RPS6KC1: variants seen among roughly 807,000 people sequenced by gnomAD.
RPS6KC1 encodes ribosomal protein S6 kinase C1.
Under a neutral mutation model 103.8 loss-of-function variants are expected in RPS6KC1, and 54 were observed. The observed-to-expected ratio is 0.52, with a 90% CI of 0.42 to 0.65. The LOEUF (loss-of-function observed/expected upper bound fraction) is 0.65. Ranked by LOEUF, RPS6KC1 falls within the 30% of genes least tolerant of loss-of-function variation. The probability of loss-of-function intolerance (pLI) is 0.00; values close to 1 mark genes in which losing one functional copy is unlikely to be tolerated. For missense variants in RPS6KC1, 1,151 were observed against 1,253.8 expected (o/e 0.92, Z 1.24); for synonymous variants, 439 against 438.7 (o/e 1.00, Z -0.01).
the RPS6KC1 span, among the ~76,000 whole-genome samples, chr1:213,671,810 A>G: frequency 5.3e-4 from 80 of 152,292 alleles, no homozygotes; most frequent in Admixed American, 1.7e-3. Context: ...ACAAGAAAAC[A>G]AAAACAAAGA....
chr1:213,441,948 T>C, the RPS6KC1 span, among the ~76,000 whole-genome samples: 2 of 152,226 alleles, frequency 1.3e-5, no homozygotes, highest in Non-Finnish European at 2.9e-5. Flanking sequence ...TAGCTTTACT[T>C]TGTACCCATA....
At chr1:213,244,258 C>A (rs2094416508) in intron 12 of RPS6KC1, among the ~76,000 whole-genome samples, 1 of 150,716 alleles carries the variant, frequency 6.6e-6, no homozygotes, top group South Asian at 2.1e-4. Flanking sequence ...ATTTTAGGTT[C>A]CAGTGTACTT....
At chr1:213,391,278 G>A in the RPS6KC1 span, among the ~76,000 whole-genome samples, 2 of 152,304 alleles carry the variant, frequency 1.3e-5, no homozygotes, top group Admixed American at 6.5e-5. Flanking sequence ...ATGCATGTGG[G>A]AGTTGATGAG....
Position 213,053,610 on chromosome 1 carries a change from A to G in RPS6KC1, c.105+2101A>G, listed in dbSNP as rs1572207986. ...AGACACTACAGAAAAGGGCTGTGGG[A>G]AGACAGATTGCTTCTGGATCAAGAG... On this transcript the variant is annotated intron_variant, in intron 1 of 14. Transcript: ENST00000366960. 3.3e-5 allele frequency among the ~76,000 whole-genome samples: 5 copies of G among 152,214 alleles called. No homozygotes were observed. In the East Asian group the frequency reaches 9.6e-4, roughly 29 times the overall value.
At chr1:213,289,041 C>T in the RPS6KC1 span, among the ~76,000 whole-genome samples, 76 of 152,202 alleles carry the variant, frequency 5.0e-4, no homozygotes, top group Non-Finnish European at 9.3e-4. Context: ...TTCGGCGATG[C>T]TGGTCTGTGA....
At chr1:213,558,851 C>T in the RPS6KC1 span, among the ~76,000 whole-genome samples, 1 of 152,170 alleles carries the variant, frequency 6.6e-6, no homozygotes, top group South Asian at 2.1e-4. Context: ...CTGCACCTTG[C>T]TTCTGTTTTC....
At chr1:213,291,422 C>T in the RPS6KC1 span, among the ~76,000 whole-genome samples, 1 of 152,232 alleles carries the variant, frequency 6.6e-6, no homozygotes, top group African/African-American at 2.4e-5. Context: ...TTCTTTGAAA[C>T]ATTTCTGATG....
At chr1:213,639,056 T>C in the RPS6KC1 span, among the ~76,000 whole-genome samples, 1 of 152,100 alleles carries the variant, frequency 6.6e-6, no homozygotes, top group East Asian at 1.9e-4. Flanking sequence ...GCATATATAC[T>C]CTGTATATGT....
chr1:213,307,173 C>T, the RPS6KC1 span, among the ~76,000 whole-genome samples: 1 of 151,684 alleles, frequency 6.6e-6, no homozygotes, highest in African/African-American at 2.4e-5. Flanking sequence ...CGCCATTCTC[C>T]TGCCTTAGCC....
intron 6 of RPS6KC1, among the ~76,000 whole-genome samples, chr1:213,133,956 G>A (rs1435120430): frequency 6.6e-6 from 1 of 151,858 alleles, no homozygotes; most frequent in Non-Finnish European, 1.5e-5. Context: ...CTTATTTTGA[G>A]TATTTGTCAT....
chr1:213,183,178 A>G (rs2092366875), intron 8 of RPS6KC1, among the ~76,000 whole-genome samples: 2 of 152,152 alleles, frequency 1.3e-5, no homozygotes, highest in Admixed American at 1.3e-4. Flanking sequence ...TATATGAAGC[A>G]AAAGCTGATA....
the RPS6KC1 span, among the ~76,000 whole-genome samples, chr1:213,862,092 G>A: frequency 6.6e-6 from 1 of 152,172 alleles, no homozygotes; most frequent in Admixed American, 6.5e-5. Flanking sequence ...GGGCAGGCAG[G>A]CAGGCACTTA....
At chr1:213,317,889 T>C in the RPS6KC1 span, among the ~76,000 whole-genome samples, 378 of 152,278 alleles carry the variant, frequency 2.5e-3, 1 homozygote, top group Non-Finnish European at 4.2e-3. Flanking sequence ...CACTTCAACA[T>C]GAGGGGCTTT....
the RPS6KC1 span, among the ~76,000 whole-genome samples, chr1:213,486,789 G>A: frequency 6.6e-6 from 1 of 152,288 alleles, no homozygotes; most frequent in Admixed American, 6.5e-5. Flanking sequence ...GGAATACAAG[G>A]TAGTCAAGAT....
At chr1:213,313,285 G>A in the RPS6KC1 span, among the ~76,000 whole-genome samples, 4 of 152,128 alleles carry the variant, frequency 2.6e-5, no homozygotes, top group Admixed American at 2.6e-4. Flanking sequence ...CCCAGAGGAG[G>A]CAACTCTCAG....
intron 3 of RPS6KC1, among the ~76,000 whole-genome samples, chr1:213,081,031 A>T (rs2079829383): frequency 6.6e-6 from 1 of 152,332 alleles, no homozygotes; most frequent in African/African-American, 2.4e-5. Flanking sequence ...AGGGAATTGA[A>T]ATCATGCCAC....
chr1:213,637,588 C>T, the RPS6KC1 span, among the ~76,000 whole-genome samples: 1 of 151,862 alleles, frequency 6.6e-6, no homozygotes, highest in Non-Finnish European at 1.5e-5. Flanking sequence ...TAGCAAATAC[C>T]AAGGGGTAGA....
chr1:213,140,964 T>A (rs1239791977), intron 6 of RPS6KC1, among the ~76,000 whole-genome samples: 1 of 151,728 alleles, frequency 6.6e-6, no homozygotes, highest in Non-Finnish European at 1.5e-5. Flanking sequence ...TGGCGTGATC[T>A]TGGCTCACTG....
the RPS6KC1 span, among the ~76,000 whole-genome samples, chr1:213,569,562 G>A: frequency 6.6e-6 from 1 of 151,832 alleles, no homozygotes; most frequent in East Asian, 1.9e-4. Flanking sequence ...TGTTATGCTC[G>A]GCAGCAAGCT....
Sources: allele counts gnomAD v4.1 joint callset (sites outside exome capture counted in the v4.1 genomes callset), GRCh38; gene constraint gnomAD v4.1.1; transcripts MANE v1.5; gene names NCBI Gene and HGNC (gene_info 2026-07-23, HGNC 2026-07-21).